Variants in CDH12 observed in about 807,000 individuals in gnomAD.
CDH12 encodes the protein cadherin 12.
A neutral mutation model predicts 74.1 loss-of-function variants in CDH12; 41 were observed. That is an observed-to-expected ratio of 0.55 (90% CI 0.43 to 0.72). The LOEUF (loss-of-function observed/expected upper bound fraction) is 0.72. Among genes scored for constraint, CDH12 ranks in the 30% least tolerant of loss-of-function variants. The pLI is 0.00. For synonymous variants in CDH12, 399 were observed against 355.0 expected, an observed-to-expected ratio of 1.12 and a Z score of -1.39; for missense variants, 945 against 977.2, an observed-to-expected ratio of 0.97 and a Z score of 0.44.
At chr5:22,776,699 G>A (rs1345402146) in intron 1 of CDH12, among the ~76,000 whole-genome samples, 2 of 152,146 alleles carry the variant, frequency 1.3e-5, no homozygotes, top group African/African-American at 4.8e-5. Flanking sequence ...TTTAAAATCA[G>A]TTAAGTAATT....
intron 1 of CDH12, among the ~76,000 whole-genome samples, chr5:22,762,365 A>G (rs1464160817): frequency 2.0e-5 from 3 of 152,110 alleles, no homozygotes; most frequent in Admixed American, 2.0e-4. Context: ...CACATTTGTT[A>G]GTTGTTAGAT....
At chr5:22,273,142 G>A (rs1736476260) in intron 3 of CDH12, among the ~76,000 whole-genome samples, 1 of 152,112 alleles carries the variant, frequency 6.6e-6, no homozygotes, top group African/African-American at 2.4e-5. Context: ...AGATTTGGGT[G>A]GGGACACAGA....
At chr5:22,249,985 C>G (rs1398319453) in intron 3 of CDH12, among the ~76,000 whole-genome samples, 1 of 151,600 alleles carries the variant, frequency 6.6e-6, no homozygotes, top group Non-Finnish European at 1.5e-5. Flanking sequence ...GTGTCACAAA[C>G]AAATTGAGCC....
chr5:22,835,212 T>G (rs1302429686), intron 1 of CDH12, among the ~76,000 whole-genome samples: 2 of 152,138 alleles, frequency 1.3e-5, no homozygotes, highest in Non-Finnish European at 2.9e-5. Context: ...CTACACTCTG[T>G]TCACATATAA....
chr5:22,412,145 A>G (rs1182248708), intron 2 of CDH12, among the ~76,000 whole-genome samples: 1 of 151,906 alleles, frequency 6.6e-6, no homozygotes, highest in Non-Finnish European at 1.5e-5. Flanking sequence ...TCATGCCATC[A>G]CTGTCTTCCT....
chr5:22,114,938 TTTTG>T (rs1745003926), intron 4 of CDH12, among the ~76,000 whole-genome samples: 1 of 152,172 alleles, frequency 6.6e-6, no homozygotes, highest in Admixed American at 6.5e-5. Flanking sequence ...GAGGTGAAGA[TTTTG>T]AAGCATTACT....
At chr5:22,196,308 C>T (rs1342183170) in intron 4 of CDH12, among the ~76,000 whole-genome samples, 1 of 151,900 alleles carries the variant, frequency 6.6e-6, no homozygotes, top group East Asian at 2.0e-4. Context: ...CCCCATCCAG[C>T]TAATGTTTGT....
At chr5:22,788,119 G>A (rs2126372972) in intron 1 of CDH12, among the ~76,000 whole-genome samples, 1 of 152,214 alleles carries the variant, frequency 6.6e-6, no homozygotes, top group African/African-American at 2.4e-5. Context: ...ATTATAAAAT[G>A]TTGACAGGAC....
At chr5:22,123,974 T>A (rs1320697405) in intron 4 of CDH12, among the ~76,000 whole-genome samples, 1 of 151,268 alleles carries the variant, frequency 6.6e-6, no homozygotes, top group Non-Finnish European at 1.5e-5. Flanking sequence ...TTTTATTTTT[T>A]ATTTTTTTTC....
intron 3 of CDH12, among the ~76,000 whole-genome samples, chr5:22,375,859 G>GC (rs1741499712): frequency 2.7e-3 from 1 of 370 alleles, no homozygotes; most frequent in Non-Finnish European, 8.6e-3. Flanking sequence ...CATACACTTA[G>GC]TGGAATGTAA....
intron 4 of CDH12, among the ~76,000 whole-genome samples, chr5:22,090,057 T>A (rs1253839242): frequency 6.6e-6 from 1 of 151,390 alleles, no homozygotes; most frequent in Admixed American, 6.6e-5. Flanking sequence ...AAGACTGAAG[T>A]GGAAATTAAT....
intron 2 of CDH12, among the ~76,000 whole-genome samples, chr5:22,445,115 C>A (rs1442541075): frequency 1.3e-5 from 2 of 151,992 alleles, no homozygotes; most frequent in Non-Finnish European, 2.9e-5. Flanking sequence ...CATGCACACA[C>A]CCCAAATACT....
chr5:22,685,915 T>A (rs530817385), intron 1 of CDH12, among the ~76,000 whole-genome samples: 1 of 152,240 alleles, frequency 6.6e-6, no homozygotes, highest in South Asian at 2.1e-4. Context: ...TGCTTAGGAG[T>A]AGAATTGCTG....
chr5:22,571,278 TATCTCAACTTTTGTC>T (rs1329409380), intron 1 of CDH12, among the ~76,000 whole-genome samples: 1 of 152,166 alleles, frequency 6.6e-6, no homozygotes, highest in Non-Finnish European at 1.5e-5. Flanking sequence ...ACTTTCAGTC[TATCTCAACTTTTGTC>T]ATGCCTTCCT....
rs143847122 is a variant in CDH12 at position 22,582,983 on chromosome 5, A to T, written c.-522-77619T>A. Among the ~76,000 whole-genome samples, 375 of 152,232 alleles carry T rather than the reference A, an allele frequency of 2.5e-3. 3 individuals are homozygous for T. The highest frequency in any genetic ancestry group is 8.6e-3 in the African/African-American group (357 of 41,544). Reference sequence around the variant, plus strand: ...CCCTGCTGCTAAAGGGTCATCTACCATAGAAGAGTAACAACTGGGCCAGTA... The same window carrying T: ...CCCTGCTGCTAAAGGGTCATCTACCTTAGAAGAGTAACAACTGGGCCAGTA... On this transcript the variant is annotated intron_variant, in intron 1 of 14. Transcript: ENST00000382254.
intron 4 of CDH12, among the ~76,000 whole-genome samples, chr5:22,171,645 C>G (rs886610809): frequency 2.0e-5 from 3 of 151,896 alleles, no homozygotes; most frequent in Non-Finnish European, 4.4e-5. Flanking sequence ...AGGAAGGACA[C>G]AGAAACATAA....
chr5:22,682,821 CA>C (rs913693465), intron 1 of CDH12, among the ~76,000 whole-genome samples: 6 of 151,582 alleles, frequency 4.0e-5, no homozygotes, highest in African/African-American at 1.5e-4. Flanking sequence ...CAAAACAAAA[CA>C]AAAAACTATT....
At chr5:22,326,286 G>A (rs570314519) in intron 3 of CDH12, among the ~76,000 whole-genome samples, 16 of 151,762 alleles carry the variant, frequency 1.1e-4, no homozygotes, top group African/African-American at 3.9e-4. Context: ...CCAGGCTGGA[G>A]TGCAGTGGCG....
intron 4 of CDH12, among the ~76,000 whole-genome samples, chr5:22,185,235 G>C (rs998231000): frequency 1.1e-5 from 1 of 90,294 alleles, no homozygotes; most frequent in Non-Finnish European, 2.2e-5. Context: ...TTTCACTTTT[G>C]TTGCTCAGGC....
Sources: gnomAD v4.1 joint callset for allele counts (sites outside exome capture counted in the v4.1 genomes callset) on GRCh38, gnomAD v4.1.1 for gene constraint, MANE v1.5 for transcripts, NCBI Gene and HGNC (gene_info 2026-07-23, HGNC 2026-07-21) for gene names.